TTC21B: variants seen among roughly 807,000 people sequenced by gnomAD.
TTC21B encodes tetratricopeptide repeat protein 21B.
TTC21B carries 127 observed loss-of-function variants against 175.1 expected under a neutral mutation model. The ratio of observed to expected loss-of-function variants is 0.73; its 90% confidence interval spans 0.63 to 0.84. The LOEUF is 0.84. Ranked by LOEUF, TTC21B falls within the 40% of genes least tolerant of loss-of-function variation. TTC21B has a pLI of 0.00. For synonymous variants in TTC21B, 524 were observed against 524.5 expected (o/e 1.00, Z 0.01); for missense variants, 1,561 against 1,558.3 (o/e 1.00, Z -0.03).
At chr2:165,906,254 TAAAA>T (rs1163343694) in intron 19 of TTC21B, among the ~76,000 whole-genome samples, 1 of 45,278 alleles carries the variant, frequency 2.2e-5, no homozygotes, top group African/African-American at 9.5e-5. Flanking sequence ...TTCAAGAGGC[TAAAA>T]AAAAAAAAAA....
At chr2:165,911,168 T>C (rs183364378) in intron 18 of TTC21B, among the ~76,000 whole-genome samples, 159 bp downstream of exon 18, 2 of 152,284 alleles carry the variant, frequency 1.3e-5, no homozygotes, top group Admixed American at 1.3e-4. Flanking sequence ...AAATATCACA[T>C]TTTAGTAGAG....
At chr2:165,888,254 A>T (rs1685074270) in intron 25 of TTC21B, 25 bp downstream of exon 25, 2 of 1,536,248 alleles carry the variant, frequency 1.3e-6, no homozygotes, top group African/African-American at 1.4e-5. Flanking sequence ...ATACCACATG[A>T]AGCTGAAAAA....
intron 12 of TTC21B, among the ~76,000 whole-genome samples, chr2:165,919,813 T>C (rs1686320677): frequency 6.6e-6 from 1 of 152,180 alleles, no homozygotes; most frequent in Non-Finnish European, 1.5e-5. Context: ...AGCTAGAATT[T>C]TGTTGTGTCA....
At chr2:165,930,770 A>AGTGTGTGTGTGTGTGTGTG (rs1553514267) in intron 8 of TTC21B, among the ~76,000 whole-genome samples, 1 of 97,024 alleles carries the variant, frequency 1.0e-5, no homozygotes, top group Non-Finnish European at 2.7e-5. Flanking sequence ...TGTGTGTATA[A>AGTGTGTGTGTGTGTGTGTG]TATATGTATG....
At chr2:165,908,693 T>C (rs1388341733) in intron 18 of TTC21B, among the ~76,000 whole-genome samples, 1 of 152,120 alleles carries the variant, frequency 6.6e-6, no homozygotes, top group African/African-American at 2.4e-5. Flanking sequence ...GAAACGTATA[T>C]GAAGGCATCT....
rs773571432 is a variant in TTC21B, at chr2:165,917,420, A to G, written c.1736T>C (p.Ile579Thr). 6.2e-7 allele frequency: 1 copy of G among 1,614,022 alleles called. No homozygotes were observed. The highest frequency in any genetic ancestry group is 8.5e-7 in the Non-Finnish European group (1 of 1,179,986). The change falls in exon 14 of 29, where the codon ATA becomes ACA. Residue 579 changes from isoleucine to threonine, a missense_variant. Coordinates refer to ENST00000243344, the MANE Select transcript of TTC21B (RefSeq NM_024753.5). ...ATGCAGTGTTTTAATTGCGTCTGCT[A>G]TTTCTCCCATTTTCTTTTGTGACTG... ...KAQSQKKMGE[I>T]ADAIKTLHMA...
chr2:165,894,744 A>AG (rs1485041175), intron 22 of TTC21B, among the ~76,000 whole-genome samples: 1 of 152,178 alleles, frequency 6.6e-6, no homozygotes, highest in Non-Finnish European at 1.5e-5. Context: ...TTCAACCAAT[A>AG]AACATCTATG....
chr2:165,931,622 T>C, intron 8 of TTC21B, 136 bp downstream of exon 8: 1 of 765,222 alleles, frequency 1.3e-6, no homozygotes, highest in Non-Finnish European at 2.2e-6. Context: ...AAACTGCCTT[T>C]CCTAGGAGTA....
intron 19 of TTC21B, among the ~76,000 whole-genome samples, chr2:165,906,254 T>TAA (rs1163343694): frequency 0.021 from 955 of 45,304 alleles, 52 homozygotes; most frequent in Admixed American, 0.073. Context: ...TTCAAGAGGC[T>TAA]AAAAAAAAAA....
In TTC21B at chr2:165,924,555, A is replaced by T. The variant is rs1227030656; in HGVS notation, c.1510T>A (p.Leu504Met). The change falls in exon 12 of 29, where the codon TTG becomes ATG. Residue 504 changes from leucine (L) to methionine (M), a missense_variant. Coordinates refer to ENST00000243344, the MANE Select transcript of TTC21B (RefSeq NM_024753.5). ...TVFLIAKVKY[L>M]SGDIEAAFNN... ...TTTTTAAGGTATACTCTACCTGACA[A>T]ATATTTCACTTTTGCTATTAGGAAG... The T allele has an allele frequency of 6.2e-7, 1 of 1,613,382 alleles. No individual in the cohort carries two copies. Among genetic ancestry groups the T allele is most frequent in the Admixed American group, 1.7e-5 (1 of 60,006 alleles).
intron 9 of TTC21B, 69 bp downstream of exon 9, chr2:165,930,103 T>C (rs1686831101): frequency 6.9e-7 from 1 of 1,449,658 alleles, no homozygotes; most frequent in Non-Finnish European, 9.6e-7. Context: ...TGTTCTTCTC[T>C]AATGGCAAGT....
chr2:165,943,435 A>T, intron 4 of TTC21B, 94 bp from the exon 5 acceptor site: 1 of 948,478 alleles, frequency 1.1e-6, no homozygotes, highest in Non-Finnish European at 1.6e-6. Context: ...GCAATTAATA[A>T]CAAAAAGGAC....
chr2:165,930,454 T>C (rs1686847077), intron 8 of TTC21B, 90 bp from the exon 9 acceptor site: 7 of 1,013,968 alleles, frequency 6.9e-6, no homozygotes, highest in Non-Finnish European at 9.9e-6. Flanking sequence ...ATATATTATT[T>C]GTACTTCAAA....
chr2:165,911,369 T>C lies in TTC21B; in HGVS notation c.2419A>G (p.Lys807Glu), dbSNP rs778844051. Reference sequence around the variant, plus strand: ...GCATGCTGAAGAACTTTTTCTGCTTTGTCATACCATTTCAATTTTAATAAG... The same window carrying C: ...GCATGCTGAAGAACTTTTTCTGCTTCGTCATACCATTTCAATTTTAATAAG... ...ELLLKLKWYDKAEKVLQHALA... is the reference protein window; with the variant it reads ...ELLLKLKWYDEAEKVLQHALA... The change falls in exon 18 of 29, where the codon AAA becomes GAA. Residue 807 changes from lysine (K) to glutamate (E), a missense_variant. By Grantham distance (56) the Lys-to-Glu change is moderately conservative. Transcript: ENST00000243344. The C allele has an allele frequency of 3.7e-6, 6 of 1,613,836 alleles. No homozygotes were observed. The Admixed American group carries it at 5.0e-5, about 13-fold the overall frequency.
chr2:165,895,752 G>A (rs1367406328), intron 22 of TTC21B, among the ~76,000 whole-genome samples: 1 of 152,082 alleles, frequency 6.6e-6, no homozygotes, highest in East Asian at 1.9e-4. Context: ...AGTGGAAGAG[G>A]TGAGATGGTC....
chr2:165,932,062 A>C (rs1205037845), intron 7 of TTC21B, among the ~76,000 whole-genome samples: 1 of 152,162 alleles, frequency 6.6e-6, no homozygotes, highest in Non-Finnish European at 1.5e-5. Flanking sequence ...TGTGTTTTAG[A>C]ATGTGTTTCT....
chr2:165,891,608 T>G (rs1304168178), intron 22 of TTC21B, among the ~76,000 whole-genome samples: 1 of 152,002 alleles, frequency 6.6e-6, no homozygotes, highest in African/African-American at 2.4e-5. Flanking sequence ...CATTCATTCA[T>G]TCATTCATTC....
intron 27 of TTC21B, chr2:165,879,792 C>G (rs1183719265): frequency 6.6e-6 from 1 of 152,068 alleles, no homozygotes; most frequent in Non-Finnish European, 1.5e-5. Flanking sequence ...TAAAATCTCC[C>G]CAACTGTTCC....
Position 165,949,382 on chromosome 2 carries a change from T to G in TTC21B, c.262+12A>C. On this transcript the variant is annotated intron_variant, in intron 3 of 28. Transcript: ENST00000243344. Reference sequence around the variant, plus strand: ...GAAAAAATGTCCTAAGCATTGCATTTAAATATCATACCTGGATTAGGACTC... The same window carrying G: ...GAAAAAATGTCCTAAGCATTGCATTGAAATATCATACCTGGATTAGGACTC... 6.3e-7 allele frequency: 1 copy of G among 1,584,060 alleles called. No individual in the cohort carries two copies. Among genetic ancestry groups the G allele is most frequent in the Middle Eastern group, 1.7e-4 (1 of 5,978 alleles).
Sources: allele counts gnomAD v4.1 joint callset (sites outside exome capture counted in the v4.1 genomes callset), GRCh38; gene constraint gnomAD v4.1.1; transcripts MANE v1.5; gene names NCBI Gene and HGNC (gene_info 2026-07-23, HGNC 2026-07-21).